Variants in NAALADL2 observed in about 807,000 individuals in gnomAD.
NAALADL2 encodes inactive N-acetylated-alpha-linked acidic dipeptidase-like protein 2.
Under a neutral mutation model 87.2 loss-of-function variants are expected in NAALADL2, and 76 were observed. The ratio of observed to expected loss-of-function variants is 0.87; its 90% CI spans 0.72 to 1.05. The LOEUF (loss-of-function observed/expected upper bound fraction) is 1.05, where lower values mean the gene tolerates loss of function less well. Among genes scored for constraint, NAALADL2 ranks in the 50% least tolerant of loss-of-function variants. The pLI is 0.00. For synonymous variants in NAALADL2, 354 were observed against 331.0 expected, an observed-to-expected ratio of 1.07 and a Z score of -0.75; for missense variants, 1,089 against 945.8, an observed-to-expected ratio of 1.15 and a Z score of -1.99.
intron 2 of NAALADL2, among the ~76,000 whole-genome samples, chr3:175,217,718 A>G (rs779151386): frequency 1.6e-4 from 24 of 152,236 alleles, no homozygotes; most frequent in Non-Finnish European, 3.1e-4. Context: ...CTCATGCATT[A>G]TGTGGCCTTT....
chr3:174,562,699 G>A (rs1713774094), intron 2 of NAALADL2, among the ~76,000 whole-genome samples: 1 of 151,908 alleles, frequency 6.6e-6, no homozygotes, highest in Non-Finnish European at 1.5e-5. Flanking sequence ...AACTACGCAA[G>A]GAGAAGCAAT....
chr3:175,657,531 T>A (rs1245801049), intron 11 of NAALADL2, among the ~76,000 whole-genome samples: 16 of 151,334 alleles, frequency 1.1e-4, no homozygotes, highest in Admixed American at 9.9e-4. Context: ...GAGGCTTGGA[T>A]AAAATGAGAA....
intron 9 of NAALADL2, among the ~76,000 whole-genome samples, chr3:175,525,557 T>G (rs1411541406): frequency 6.6e-6 from 1 of 152,170 alleles, no homozygotes; most frequent in Non-Finnish European, 1.5e-5. Context: ...TCAAGCTTTA[T>G]TCCTCAATAA....
At chr3:175,043,374 G>A (rs918922174) in intron 1 of NAALADL2, among the ~76,000 whole-genome samples, 2 of 152,072 alleles carry the variant, frequency 1.3e-5, no homozygotes, top group African/African-American at 4.8e-5. Flanking sequence ...AAGTAGCTGG[G>A]ATTACAGGCA....
At chr3:174,922,965 C>T (rs1735454333) in intron 1 of NAALADL2, among the ~76,000 whole-genome samples, 1 of 152,096 alleles carries the variant, frequency 6.6e-6, no homozygotes, top group Non-Finnish European at 1.5e-5. Flanking sequence ...TTATCTTTCC[C>T]TTGTTCATTA....
intron 5 of NAALADL2, among the ~76,000 whole-genome samples, chr3:175,433,785 T>C (rs1718180446): frequency 6.6e-6 from 1 of 151,966 alleles, no homozygotes; most frequent in Admixed American, 6.6e-5. Flanking sequence ...CAAATTACAT[T>C]CACCACATTA....
chr3:175,131,961 T>C (rs2108637998), intron 2 of NAALADL2, among the ~76,000 whole-genome samples: 4 of 108,630 alleles, frequency 3.7e-5, no homozygotes, highest in Non-Finnish European at 3.7e-5. Context: ...GAGGCGCCCC[T>C]CACCTCCCGG....
At chr3:174,957,220 G>A (rs545604426) in intron 1 of NAALADL2, among the ~76,000 whole-genome samples, 15 of 152,102 alleles carry the variant, frequency 9.9e-5, no homozygotes, top group Non-Finnish European at 1.8e-4. Flanking sequence ...TGATAGCCAG[G>A]AGAGAACTGC....
At chr3:175,740,856 A>T (rs975521830) in intron 12 of NAALADL2, among the ~76,000 whole-genome samples, 1 of 152,088 alleles carries the variant, frequency 6.6e-6, no homozygotes, top group Non-Finnish European at 1.5e-5. Flanking sequence ...ACTCGCCCTT[A>T]ATTTTTTCTT....
At chr3:175,207,459 C>A (rs1029445781) in intron 2 of NAALADL2, among the ~76,000 whole-genome samples, 1 of 151,856 alleles carries the variant, frequency 6.6e-6, no homozygotes, top group African/African-American at 2.4e-5. Flanking sequence ...TACTTTCTCC[C>A]GTACAACAAT....
chr3:174,521,106 G>C (rs553697334), intron 1 of NAALADL2, among the ~76,000 whole-genome samples: 1 of 152,250 alleles, frequency 6.6e-6, no homozygotes, highest in South Asian at 2.1e-4. Flanking sequence ...GTGTGGAGAT[G>C]TCTCAAAGAA....
chr3:175,318,598 T>C (rs1295292001), intron 4 of NAALADL2, among the ~76,000 whole-genome samples: 1 of 152,230 alleles, frequency 6.6e-6, no homozygotes, highest in African/African-American at 2.4e-5. Context: ...CTTAACATTT[T>C]GCAGTATGTA....
At chr3:174,836,515 C>A (rs1205767109) in intron 3 of NAALADL2, among the ~76,000 whole-genome samples, 1 of 152,072 alleles carries the variant, frequency 6.6e-6, no homozygotes, top group African/African-American at 2.4e-5. Context: ...TCCTGGCTAA[C>A]ACGGTGAAAC....
chr3:174,754,071 C>G (rs907186862), intron 3 of NAALADL2, among the ~76,000 whole-genome samples: 2 of 152,164 alleles, frequency 1.3e-5, no homozygotes, highest in African/African-American at 2.4e-5. Flanking sequence ...CCCACCCAGT[C>G]TATGGTATTT....
chr3:175,375,261 T>A (rs1560455837), intron 5 of NAALADL2, among the ~76,000 whole-genome samples: 1 of 152,170 alleles, frequency 6.6e-6, no homozygotes, highest in African/African-American at 2.4e-5. Context: ...TGTTAGTTCT[T>A]AAATGCTCCT....
chr3:175,440,993 T>C (rs1581900698), intron 5 of NAALADL2, among the ~76,000 whole-genome samples: 1 of 152,280 alleles, frequency 6.6e-6, no homozygotes, highest in East Asian at 1.9e-4. Context: ...CTGAGAACTG[T>C]TGATTTGTGG....
intron 3 of NAALADL2, among the ~76,000 whole-genome samples, chr3:174,819,595 T>C (rs1354342655): frequency 6.6e-6 from 1 of 152,162 alleles, no homozygotes; most frequent in Non-Finnish European, 1.5e-5. Context: ...CTTTTAGTAA[T>C]GGGAGTTCAT....
intron 12 of NAALADL2, among the ~76,000 whole-genome samples, chr3:175,738,899 A>T (rs1433546299): frequency 6.6e-6 from 1 of 152,206 alleles, no homozygotes; most frequent in African/African-American, 2.4e-5. Context: ...TAGTTTTGTG[A>T]ATAATAAATA....
intron 5 of NAALADL2, among the ~76,000 whole-genome samples, chr3:175,347,174 T>A (rs989209548): frequency 1.3e-5 from 2 of 152,206 alleles, no homozygotes; most frequent in Non-Finnish European, 2.9e-5. Flanking sequence ...ACCCTCAGCA[T>A]TAATTTTCAG....
Sources: allele counts gnomAD v4.1 joint callset (sites outside exome capture counted in the v4.1 genomes callset), GRCh38; gene constraint gnomAD v4.1.1; transcripts MANE v1.5; gene names NCBI Gene and HGNC (gene_info 2026-07-23, HGNC 2026-07-21).